Variants in GMIP observed in about 807,000 individuals in gnomAD.
The protein encoded by GMIP is GEM-interacting protein.
A neutral mutation model predicts 105.3 loss-of-function variants in GMIP; 54 were observed. The observed-to-expected ratio is 0.51, with a 90% CI of 0.41 to 0.64. The LOEUF is 0.64. Ranked by LOEUF, GMIP falls within the 30% of genes least tolerant of loss-of-function variation. The probability of loss-of-function intolerance (pLI) is 0.00; values close to 1 mark genes in which losing one functional copy is unlikely to be tolerated. For synonymous variants in GMIP, 541 were observed against 560.8 expected, an observed-to-expected ratio of 0.96 and a Z score of 0.50; for missense variants, 1,110 against 1,319.4, an observed-to-expected ratio of 0.84 and a Z score of 2.46.
In GMIP at chr19:19,634,303, TA is replaced by T; in HGVS notation, c.2085-114del. On this transcript the variant is annotated intron_variant, in intron 18 of 20. Coordinates refer to ENST00000203556, the MANE Select transcript of GMIP (RefSeq NM_016573.4). The surrounding 1 kb of genome is among the most constrained non-coding windows in gnomAD (Gnocchi z 6.1). ...AGGTGACTTGCCCATGTCACAGGTG[TA>T]AGTCGTCTGAGACCAGCAGCCACAT... 8.3e-7 allele frequency: 1 copy of T among 1,198,300 alleles called. No individual in the cohort carries two copies. Among genetic ancestry groups the T allele is most frequent in the Admixed American group, 2.7e-5 (1 of 37,126 alleles). 74.2% of individuals were successfully genotyped at this position (1,198,300 alleles called of 1,614,324 possible).
Position 19,637,226 on chromosome 19 carries a change from C to T in GMIP, c.1124+139G>A. 1 of 691,236 alleles carries T rather than the reference C, an allele frequency of 1.4e-6. No homozygotes were observed. The highest frequency in any genetic ancestry group is 1.9e-5 in the South Asian group (1 of 52,102). 42.8% of individuals were successfully genotyped at this position (691,236 alleles called of 1,614,324 possible). On this transcript the variant is annotated intron_variant, in intron 11 of 20. Coordinates refer to ENST00000203556, the MANE Select transcript of GMIP (RefSeq NM_016573.4). This position sits in a 1 kb window ranked among gnomAD's most constrained non-coding sequence, Gnocchi z 6.7. Reference sequence around the variant, plus strand: ...GGACTGGGACAACCCATTCACCCTCCTATGGCCCCCGAGAGCCTGGAGTAC... The same window carrying T: ...GGACTGGGACAACCCATTCACCCTCTTATGGCCCCCGAGAGCCTGGAGTAC...
In GMIP at chr19:19,629,955, C is replaced by T; in HGVS notation, c.*8G>A. On this transcript the variant is annotated 3_prime_UTR_variant, in exon 21 of 21. Coordinates refer to ENST00000203556, the MANE Select transcript of GMIP (RefSeq NM_016573.4). Reference sequence around the variant, plus strand: ...TGGGCCTCTTCCTTATTTAAGGTGCCAGGGTGGTCAGAGATGGTCCTCGGC... The same window carrying T: ...TGGGCCTCTTCCTTATTTAAGGTGCTAGGGTGGTCAGAGATGGTCCTCGGC... 1 of 1,605,890 alleles carries T rather than the reference C, an allele frequency of 6.2e-7. No homozygotes were observed. Among genetic ancestry groups the T allele is most frequent in the South Asian group, 1.1e-5 (1 of 89,396 alleles).
At chr19:19,632,495 C>G (rs2061807054) in intron 19 of GMIP, among the ~76,000 whole-genome samples, 1 of 152,142 alleles carries the variant, frequency 6.6e-6, no homozygotes, top group African/African-American at 2.4e-5. Flanking sequence ...GATCGCACCA[C>G]TGCACTCCAG....
At chr19:19,642,704 G>T in intron 1 of GMIP, 85 bp from the exon 2 acceptor site, 1 of 599,988 alleles carries the variant, frequency 1.7e-6, no homozygotes, top group South Asian at 2.0e-5. Flanking sequence ...GGAGGGGGTG[G>T]AAGAGAAAGG....
At chr19:19,643,413 C>A in intron 1 of GMIP, 98 bp downstream of exon 1, 1 of 1,168,732 alleles carries the variant, frequency 8.6e-7, no homozygotes, top group East Asian at 2.7e-5. Context: ...AGGAACTCCT[C>A]TCCTGGCTCT....
In GMIP at chr19:19,634,642, A is replaced by C. The variant is rs1158132005; in HGVS notation, c.1949T>G (p.Leu650Trp). 6.2e-7 allele frequency: 1 copy of C among 1,613,218 alleles called. No homozygotes were observed. The highest frequency in any genetic ancestry group is 8.5e-7 in the Non-Finnish European group (1 of 1,179,668). ...YDAFISLAKT[L>W]HADPGDDPGT... ...AGGGTCGTCCCCAGGGTCTGCATGC[A>C]AGGTCTTAGCCAGAGAGATGAAGGC... is the stretch of plus-strand genomic sequence containing the variant. Residue 650 changes from leucine to tryptophan, a missense_variant, in exon 18 of 21, where the codon TTG (leucine) becomes TGG (tryptophan). By Grantham distance (61) the Leu-to-Trp change is moderately conservative. Around this residue, in one of 3 missense-constraint regions of GMIP, gnomAD observed 394 missense variants for 450.5 expected, o/e 0.87. Transcript: ENST00000203556. The surrounding 1 kb of genome is among the most constrained non-coding windows in gnomAD (Gnocchi z 6.1).
chr19:19,630,176 G>C lies in GMIP; in HGVS notation c.2700C>G (p.Ile900Met), dbSNP rs752580513. Residue 900 changes from isoleucine to methionine, a missense_variant, in exon 21 of 21, where the codon ATC becomes ATG. Physicochemically the swap from Ile to Met is conservative, Grantham distance 10. This residue lies in a region of GMIP where 394 missense variants were observed against 450.5 expected (regional missense o/e 0.87). Coordinates refer to ENST00000203556, the MANE Select transcript of GMIP (RefSeq NM_016573.4). The surrounding 1 kb of genome is among the most constrained non-coding windows in gnomAD (Gnocchi z 4.8). ...VASKLCEETP[I>M]TSVPRGSLRG... is the part of the protein sequence containing the mutation. ...GCAAACTCCCTCTGGGCACTGATGTGATGGGGGTCTCCTCGCACAGCTTGG... is the reference window on the plus strand; with the variant it reads ...GCAAACTCCCTCTGGGCACTGATGTCATGGGGGTCTCCTCGCACAGCTTGG... 1 of 1,603,742 alleles carries C rather than the reference G, an allele frequency of 6.2e-7. No individual in the cohort carries two copies. The highest frequency in any genetic ancestry group is 8.5e-7 in the Non-Finnish European group (1 of 1,172,974).
Position 19,634,733 on chromosome 19 carries a change from G to C in GMIP, c.1888-30C>G. ...GGGTGGAACGGAGGGCGCAACACGA[G>C]TGTGGGTGGGCTGTGGAGGGCTCCT... On this transcript the variant is annotated intron_variant, in intron 17 of 20. Coordinates refer to ENST00000203556, the MANE Select transcript of GMIP (RefSeq NM_016573.4). This position sits in a 1 kb window ranked among gnomAD's most constrained non-coding sequence, Gnocchi z 6.1. The C allele has an allele frequency of 1.2e-6, 2 of 1,609,540 alleles. No homozygotes were observed. The highest frequency in any genetic ancestry group is 1.7e-4 in the Middle Eastern group (1 of 6,040).
chr19:19,643,398 C>A (rs1469200450), intron 1 of GMIP, 113 bp downstream of exon 1: 1 of 994,630 alleles, frequency 1.0e-6, no homozygotes. Flanking sequence ...GGGTCCTTCC[C>A]ATTCAGGAAC....
Position 19,637,862 on chromosome 19 carries a change from G to T in GMIP, c.927+58C>A. The stretch of plus-strand genomic sequence containing the variant: ...GGGTGGCTTAGGGGCGAGGAGTGGG[G>T]CACTCAGTCGGGGCCCCAACGGGGT... On this transcript the variant is annotated intron_variant, in intron 10 of 20. Coordinates refer to ENST00000203556, the MANE Select transcript of GMIP (RefSeq NM_016573.4). The surrounding 1 kb of genome is among the most constrained non-coding windows in gnomAD (Gnocchi z 6.7). The T allele has an allele frequency of 6.5e-7, 1 of 1,529,454 alleles. No individual in the cohort carries two copies. The highest frequency in any genetic ancestry group is 8.8e-7 in the Non-Finnish European group (1 of 1,130,072). The allele number at this position is 1,529,454 out of a possible 1,614,324, so 94.7% of individuals were successfully genotyped here.
In GMIP at chr19:19,637,941, C is replaced by T. The variant is rs76643762; in HGVS notation, c.906G>A (p.Gln302=). 7.5e-6 allele frequency: 12 copies of T among 1,608,644 alleles called. No homozygotes were observed. The East Asian group carries it at 2.5e-4, about 33-fold the overall frequency. Reference sequence around the variant, plus strand: ...TCACCCGCCTCAGCACTTCATCCCCCTGAAACACCAGCTTGCGCACGTGCG... The same window carrying T: ...TCACCCGCCTCAGCACTTCATCCCCTTGAAACACCAGCTTGCGCACGTGCG... ...IVSHVRKLVF[Q]GDEVLRRVTL... Residue 302 remains glutamine, a synonymous_variant, in exon 10 of 21, where the codon CAG becomes CAA. Transcript: ENST00000203556. The surrounding 1 kb of genome is among the most constrained non-coding windows in gnomAD (Gnocchi z 6.7).
In GMIP at chr19:19,634,099, G is replaced by A. The variant is rs139822718; in HGVS notation, c.2176C>T (p.Arg726Trp). ...PTLLRPPDGP[R>W]AASAIPVTCL... ...GTGACAGGGATGGCGCTGGCTGCCCGCGGGCCGTCCGGCGGCCGCAGCAGT... is the reference window on the plus strand; with the variant it reads ...GTGACAGGGATGGCGCTGGCTGCCCACGGGCCGTCCGGCGGCCGCAGCAGT... The change falls in exon 19 of 21, where the codon CGG becomes TGG. Residue 726 changes from arginine to tryptophan, a missense_variant. By Grantham distance (101) the Arg-to-Trp change is moderately radical. Around this residue, in one of 3 missense-constraint regions of GMIP, gnomAD observed 394 missense variants for 450.5 expected, o/e 0.87. Coordinates refer to ENST00000203556, the MANE Select transcript of GMIP (RefSeq NM_016573.4). The surrounding 1 kb of genome is among the most constrained non-coding windows in gnomAD (Gnocchi z 6.1). 2.0e-5 allele frequency: 33 copies of A among 1,612,844 alleles called. No individual in the cohort carries two copies. The highest frequency in any genetic ancestry group is 1.3e-4 in the Admixed American group (8 of 59,976).
At chr19:19,642,335 A>G (rs889738746) in intron 2 of GMIP, among the ~76,000 whole-genome samples, 200 bp downstream of exon 2, 2 of 152,104 alleles carry the variant, frequency 1.3e-5, no homozygotes, top group African/African-American at 4.8e-5. Context: ...TTCTAGGACC[A>G]CTTTGGGGAT....
chr19:19,636,692 A>T lies in GMIP; in HGVS notation c.1327+15T>A. On this transcript the variant is annotated intron_variant, in intron 13 of 20. Transcript: ENST00000203556. ...CACAGGTGGAGTGTGGGTCAGGACCAGGTCCTATCCCTACCTGGGCTGGAA... is the reference window on the plus strand; with the variant it reads ...CACAGGTGGAGTGTGGGTCAGGACCTGGTCCTATCCCTACCTGGGCTGGAA... The T allele has an allele frequency of 6.3e-7, 1 of 1,582,220 alleles. No homozygotes were observed. The highest frequency in any genetic ancestry group is 1.3e-5 in the African/African-American group (1 of 74,346).
At chr19:19,639,964 T>C (rs1384407461) in intron 7 of GMIP, 121 bp downstream of exon 7, 3 of 624,912 alleles carry the variant, frequency 4.8e-6, no homozygotes, top group Non-Finnish European at 8.7e-6. Context: ...TCCTCATCAA[T>C]GAAATGGCGA....
In GMIP at chr19:19,637,962, G is replaced by T. The variant is rs772765246; in HGVS notation, c.885C>A (p.His295Gln). 11 of 1,610,842 alleles carry T rather than the reference G, an allele frequency of 6.8e-6. No homozygotes were observed. Among genetic ancestry groups the T allele is most frequent in the Non-Finnish European group, 9.3e-6 (11 of 1,179,254 alleles). ...LEIAKQRIVS[H>Q]VRKLVFQGDE... ...CCCCCTGAAACACCAGCTTGCGCAC[G>T]TGCGACACGATTCGCTGCTTGGCGA... Residue 295 changes from histidine (H) to glutamine (Q), a missense_variant, in exon 10 of 21, where the codon CAC (histidine) becomes CAA (glutamine). Physicochemically the swap from His to Gln is conservative, Grantham distance 24. Transcript: ENST00000203556. The surrounding 1 kb of genome is among the most constrained non-coding windows in gnomAD (Gnocchi z 6.7).
rs1387795749 is a variant in GMIP at position 19,633,910 on chromosome 19, G to C, written c.2365C>G (p.Pro789Ala). Residue 789 changes from proline (P) to alanine (A), a missense_variant, in exon 19 of 21, where the codon CCG (proline) becomes GCG (alanine). By Grantham distance (27) the Pro-to-Ala change is conservative. Around this residue, in one of 3 missense-constraint regions of GMIP, gnomAD observed 394 missense variants for 450.5 expected, o/e 0.87. Coordinates refer to ENST00000203556, the MANE Select transcript of GMIP (RefSeq NM_016573.4). ...PLTTSSQPPP[P>A]HLDPDSQPPV... ...GGCTGGGAGTCTGGGTCAAGGTGCG[G>C]GGGTGGCGGTTGGGAGCTGGTTGTG... The C allele has an allele frequency of 6.5e-7, 1 of 1,535,464 alleles. No homozygotes were observed. The highest frequency in any genetic ancestry group is 1.4e-5 in the African/African-American group (1 of 72,980).
chr19:19,640,285 G>C lies in GMIP; in HGVS notation c.429+11C>G, dbSNP rs374607395. ...GGCTTGGGCTCTCCGGGGGGGTCTG[G>C]TCATGACTACCTGCTGTTGAATGGA... is the stretch of plus-strand genomic sequence containing the variant. On this transcript the variant is annotated intron_variant, in intron 6 of 20. Coordinates refer to ENST00000203556, the MANE Select transcript of GMIP (RefSeq NM_016573.4). The C allele has an allele frequency of 1.9e-6, 3 of 1,613,164 alleles. No individual in the cohort carries two copies. The highest frequency in any genetic ancestry group is 2.5e-6 in the Non-Finnish European group (3 of 1,179,318).
chr19:19,637,586 G>T lies in GMIP; in HGVS notation c.928-25C>A. The T allele has an allele frequency of 6.7e-7, 1 of 1,486,644 alleles. No individual in the cohort carries two copies. Among genetic ancestry groups the T allele is most frequent in the East Asian group, 2.5e-5 (1 of 40,116 alleles). 92.1% of individuals were successfully genotyped at this position (1,486,644 alleles called of 1,614,324 possible). On this transcript the variant is annotated intron_variant, in intron 10 of 20. Transcript: ENST00000203556. The surrounding 1 kb of genome is among the most constrained non-coding windows in gnomAD (Gnocchi z 6.7). ...CCTGCCGGGTGGAGACAGCAGGTTG[G>T]GGAGGGGCGGAGCCTGGGAGCCTGG...
Sources: gnomAD v4.1 joint callset for allele counts (sites outside exome capture counted in the v4.1 genomes callset) on GRCh38, gnomAD v4.1.1 for gene constraint, gnomAD v4.1.1 regional missense constraint, Gnocchi (gnomAD v3.1) non-coding constraint, MANE v1.5 for transcripts, NCBI Gene and HGNC (gene_info 2026-07-23, HGNC 2026-07-21) for gene names.